The following CALD1 variants were observed in gnomAD, a reference collection of about 807,000 sequenced individuals.
CALD1 encodes the protein caldesmon 1, also known as caldesmon.
CALD1 carries 33 observed loss-of-function variants against 99.9 expected under a neutral mutation model. That is an observed-to-expected ratio of 0.33 (90% CI 0.25 to 0.44). The LOEUF is 0.44. CALD1 is among the 20% of genes least tolerant of loss of function. The pLI is 1.00. For missense variants in CALD1, 861 were observed against 962.1 expected (o/e 0.89, Z 1.39); for synonymous variants, 310 against 325.0 (o/e 0.95, Z 0.50).
the CALD1 span, among the ~76,000 whole-genome samples, chr7:134,711,628 T>TTCTCTCTCTCTCTCTCTCTCTCTCTC: frequency 3.1e-5 from 2 of 64,030 alleles, no homozygotes; most frequent in African/African-American, 2.1e-4. Flanking sequence ...CAACCTCAGC[T>TTCTCTCTCTCTCTCTCTCTCTCTCTC]TCTCTCTCTC....
At chr7:134,735,733 T>C in the CALD1 span, among the ~76,000 whole-genome samples, 1 of 152,176 alleles carries the variant, frequency 6.6e-6, no homozygotes, top group Non-Finnish European at 1.5e-5. Flanking sequence ...TAAGGGCAAT[T>C]GACATTCAAG....
intron 1 of CALD1, among the ~76,000 whole-genome samples, chr7:134,830,888 A>G (rs1419727307): frequency 2.0e-5 from 3 of 152,218 alleles, no homozygotes; most frequent in Admixed American, 2.0e-4. Flanking sequence ...CCAGTGGTGT[A>G]TGTGGAAACA....
intron 1 of CALD1, among the ~76,000 whole-genome samples, chr7:134,840,562 C>T (rs1799610584): frequency 6.6e-6 from 1 of 152,220 alleles, no homozygotes; most frequent in Non-Finnish European, 1.5e-5. Flanking sequence ...TAGGCAGATA[C>T]CTACGTCAGT....
intron 3 of CALD1, among the ~76,000 whole-genome samples, chr7:134,871,978 C>T (rs776226869): frequency 1.1e-4 from 16 of 152,280 alleles, no homozygotes; most frequent in South Asian, 4.1e-4. Flanking sequence ...TCACTGCATC[C>T]GAGCTGTCCT....
the CALD1 span, among the ~76,000 whole-genome samples, chr7:134,711,660 C>CTCTCTCTCTCTCTCTCTCTCTCTCTATA: frequency 1.3e-5 from 1 of 78,356 alleles, no homozygotes; most frequent in African/African-American, 6.2e-5. Flanking sequence ...CTCTCTCTCT[C>CTCTCTCTCTCTCTCTCTCTCTCTCTATA]TATATATATA....
chr7:134,764,870 G>A (rs1226130721), intron 1 of CALD1, among the ~76,000 whole-genome samples: 1 of 152,148 alleles, frequency 6.6e-6, no homozygotes, highest in East Asian at 1.9e-4. Flanking sequence ...GTAAGAGAGG[G>A]AGAAAGTAGA....
intron 3 of CALD1, chr7:134,868,373 G>A (rs915230707): frequency 6.6e-6 from 1 of 152,214 alleles, no homozygotes; most frequent in Admixed American, 6.5e-5. Flanking sequence ...TACAGTGGTG[G>A]CTATGAGGTC....
intron 7 of CALD1, among the ~76,000 whole-genome samples, chr7:134,945,283 G>GGTA (rs1308895179): frequency 6.6e-6 from 1 of 152,152 alleles, no homozygotes; most frequent in African/African-American, 2.4e-5. Flanking sequence ...AGGCACGGAA[G>GGTA]GTAGCTAGAC....
chr7:134,757,605 G>A (rs761034202), intron 1 of CALD1, among the ~76,000 whole-genome samples: 2 of 152,178 alleles, frequency 1.3e-5, no homozygotes, highest in African/African-American at 4.8e-5. Flanking sequence ...TGGAGGCCAG[G>A]TGCAGTGGCT....
At chr7:134,747,451 G>T (rs1585895767) in intron 1 of CALD1, among the ~76,000 whole-genome samples, 1 of 152,200 alleles carries the variant, frequency 6.6e-6, no homozygotes, top group Non-Finnish European at 1.5e-5. Context: ...TGCCAAGGAA[G>T]GGTGGACTAT....
chr7:134,726,698 C>G, the CALD1 span, among the ~76,000 whole-genome samples: 1 of 151,750 alleles, frequency 6.6e-6, no homozygotes, highest in Non-Finnish European at 1.5e-5. Context: ...TAATTGCAAA[C>G]AACTCAAACA....
chr7:134,948,652 G>T (rs1197097330), intron 8 of CALD1, among the ~76,000 whole-genome samples: 2 of 152,056 alleles, frequency 1.3e-5, no homozygotes, highest in Non-Finnish European at 2.9e-5. Flanking sequence ...TTTTGAGATA[G>T]CGATCTCCCA....
intron 13 of CALD1, chr7:134,961,314 T>G (rs1247976365): frequency 6.6e-6 from 1 of 152,264 alleles, no homozygotes; most frequent in Non-Finnish European, 1.5e-5. Context: ...GTCATTATAA[T>G]AAGAAAACGT....
chr7:134,827,618 C>A (rs187744307), intron 1 of CALD1, among the ~76,000 whole-genome samples: 1 of 152,174 alleles, frequency 6.6e-6, no homozygotes, highest in Non-Finnish European at 1.5e-5. Context: ...CAGATGACAA[C>A]GGCAATGGCC....
intron 3 of CALD1, among the ~76,000 whole-genome samples, chr7:134,925,191 T>C (rs1804912451): frequency 6.6e-6 from 1 of 151,822 alleles, no homozygotes; most frequent in Non-Finnish European, 1.5e-5. Context: ...GAAGAGATAG[T>C]GGAGATGATC....
intron 2 of CALD1, among the ~76,000 whole-genome samples, chr7:134,865,830 C>T (rs576747865): frequency 7.2e-5 from 11 of 152,298 alleles, no homozygotes; most frequent in African/African-American, 2.6e-4. Context: ...TGCTGACAAA[C>T]AGCCAGAATG....
At chr7:134,726,585 G>A in the CALD1 span, among the ~76,000 whole-genome samples, 2 of 149,864 alleles carry the variant, frequency 1.3e-5, no homozygotes, top group African/African-American at 4.9e-5. Flanking sequence ...ACAGAATTAT[G>A]TTACAAAAGG....
chr7:134,876,360 G>C (rs1801351690), intron 3 of CALD1, among the ~76,000 whole-genome samples: 1 of 152,172 alleles, frequency 6.6e-6, no homozygotes, highest in Admixed American at 6.5e-5. Context: ...AAGCCATCCT[G>C]ATCTTGCTAT....
chr7:134,834,709 C>T (rs1370070199), intron 1 of CALD1, among the ~76,000 whole-genome samples: 2 of 152,204 alleles, frequency 1.3e-5, no homozygotes, highest in Admixed American at 1.3e-4. Context: ...TTTGTGATGT[C>T]ACTAGGCACT....
Sources: gnomAD v4.1 joint callset for allele counts (sites outside exome capture counted in the v4.1 genomes callset) on GRCh38, gnomAD v4.1.1 for gene constraint, MANE v1.5 for transcripts, NCBI Gene and HGNC (gene_info 2026-07-23, HGNC 2026-07-21) for gene names.